The following PAPOLG variants were observed in gnomAD, a reference collection of about 807,000 sequenced individuals.
The protein encoded by PAPOLG is PAP-gamma.
PAPOLG carries 40 observed loss-of-function variants against 99.0 expected under a neutral mutation model. The ratio of observed to expected loss-of-function variants is 0.40; its 90% CI spans 0.31 to 0.53. The LOEUF (loss-of-function observed/expected upper bound fraction) is 0.53. PAPOLG is among the 20% of genes least tolerant of loss of function. The pLI is 0.41. For synonymous variants in PAPOLG, 310 were observed against 299.3 expected (o/e 1.04, Z -0.37); for missense variants, 675 against 884.1 (o/e 0.76, Z 3.00).
At chr2:60,769,615 A>AT (rs1036743397) in intron 5 of PAPOLG, among the ~76,000 whole-genome samples, 3 of 152,212 alleles carry the variant, frequency 2.0e-5, no homozygotes, top group Non-Finnish European at 4.4e-5. Flanking sequence ...CAACTGTATT[A>AT]ATTAAATTTT....
At chr2:60,765,637 TTAAA>T (rs1670655496) in intron 3 of PAPOLG, among the ~76,000 whole-genome samples, 1 of 152,184 alleles carries the variant, frequency 6.6e-6, no homozygotes, top group Non-Finnish European at 1.5e-5. Flanking sequence ...TATTTAAACT[TTAAA>T]TAGTGTAGAA....
intron 7 of PAPOLG, among the ~76,000 whole-genome samples, chr2:60,772,446 CAAA>C (rs35297734): frequency 1.5e-4 from 13 of 84,092 alleles, no homozygotes; most frequent in Non-Finnish European, 1.4e-4. Flanking sequence ...GACCCTGTCT[CAAA>C]AAAAAAAAAA....
rs1671742644 is a variant in PAPOLG at position 60,797,342 on chromosome 2, TCTCA to T, written c.*185_*188del. ...TTGACCTGTAGATGCTGTAGCATTC[TCTCA>T]CTGATTGCTACATACACTTCTCTGA... is the stretch of plus-strand genomic sequence containing the variant. On this transcript the variant is annotated 3_prime_UTR_variant, in exon 22 of 22. Transcript: ENST00000238714. 1.5e-6 allele frequency: 1 copy of T among 664,646 alleles called. No homozygotes were observed. The highest frequency in any genetic ancestry group is 1.9e-5 in the South Asian group (1 of 52,584). The allele number at this position is 664,646 out of a possible 1,614,324, so 41.2% of individuals were successfully genotyped here. A position where few individuals can be genotyped will look rare whatever the true frequency, so the allele number is the denominator to read the frequency against.
At chr2:60,793,931 A>G (rs1394781638) in intron 18 of PAPOLG, 40 bp from the exon 19 acceptor site, 2 of 1,577,460 alleles carry the variant, frequency 1.3e-6, no homozygotes, top group Non-Finnish European at 8.7e-7. Flanking sequence ...AAAAAATTAC[A>G]TAAATGTTTA....
intron 17 of PAPOLG, 30 bp downstream of exon 17, chr2:60,792,319 G>A (rs758621121): frequency 4.5e-6 from 7 of 1,553,044 alleles, no homozygotes; most frequent in Non-Finnish European, 6.1e-6. Flanking sequence ...GTGTCCTTTT[G>A]GTTTTCTGTT....
chr2:60,771,543 G>A lies in PAPOLG; in HGVS notation c.517G>A (p.Ala173Thr). 2 of 1,598,036 alleles carry A rather than the reference G, an allele frequency of 1.3e-6. No individual in the cohort carries two copies. Among genetic ancestry groups the A allele is most frequent in the East Asian group, 2.3e-5 (1 of 44,248 alleles). The part of the protein sequence containing the change: ...IEIDLVFARL[A>T]IQTISDNLDL... ...GATTGATCTAGTCTTTGCAAGACTG[G>A]CAATACAAACCATATCAGATAATTT... Residue 173 changes from alanine to threonine, a missense_variant, in exon 7 of 22, where the codon GCA becomes ACA. Around this residue, in one of 3 missense-constraint regions of PAPOLG, gnomAD observed 113 missense variants for 231.5 expected, o/e 0.49. Coordinates refer to ENST00000238714, the MANE Select transcript of PAPOLG (RefSeq NM_022894.4).
chr2:60,760,617 GTCTA>G (rs1314728222), intron 2 of PAPOLG, among the ~76,000 whole-genome samples: 1 of 152,194 alleles, frequency 6.6e-6, no homozygotes, highest in Non-Finnish European at 1.5e-5. Context: ...GGAGCCATGT[GTCTA>G]TCTGAGGGAA....
chr2:60,772,288 T>C (rs1670875805), intron 7 of PAPOLG, among the ~76,000 whole-genome samples: 2 of 151,908 alleles, frequency 1.3e-5, no homozygotes, highest in Non-Finnish European at 2.9e-5. Context: ...CTACCAAAAA[T>C]AAAAAACATT....
At chr2:60,777,105 G>C (rs1671043585) in intron 8 of PAPOLG, among the ~76,000 whole-genome samples, 1 of 152,162 alleles carries the variant, frequency 6.6e-6, no homozygotes, top group East Asian at 1.9e-4. Flanking sequence ...CTCTGGATTA[G>C]ACTTTGGCCT....
rs768495877 is a variant in PAPOLG, at chr2:60,798,025, C to A, written c.*865C>A. The A allele has an allele frequency of 6.5e-6, 1 of 152,776 alleles. No homozygotes were observed. The highest frequency in any genetic ancestry group is 1.5e-5 in the Non-Finnish European group (1 of 68,044). The allele number at this position is 152,776 out of a possible 1,614,324, so 9.5% of individuals were successfully genotyped here. A position where few individuals can be genotyped will look rare whatever the true frequency, so the allele number is the denominator to read the frequency against. Reference sequence around the variant, plus strand: ...TTTACTGAGGAGCAACTCATTCCAGCATCAACAATAAGATAACCTTTAAGT... The same window carrying A: ...TTTACTGAGGAGCAACTCATTCCAGAATCAACAATAAGATAACCTTTAAGT... On this transcript the variant is annotated 3_prime_UTR_variant, in exon 22 of 22. Coordinates refer to ENST00000238714, the MANE Select transcript of PAPOLG (RefSeq NM_022894.4).
intron 19 of PAPOLG, 58 bp from the exon 20 acceptor site, chr2:60,794,652 A>G: frequency 2.8e-6 from 4 of 1,441,428 alleles, no homozygotes; most frequent in African/African-American, 1.4e-5. Context: ...GTTTATATAG[A>G]TTTATATGGG....
chr2:60,795,040 C>T lies in PAPOLG; in HGVS notation c.2112+20C>T, dbSNP rs767923082. The T allele has an allele frequency of 5.7e-6, 9 of 1,575,694 alleles. No individual in the cohort carries two copies. Among genetic ancestry groups the T allele is most frequent in the African/African-American group, 4.1e-5 (3 of 74,006 alleles). ...AAAAAGGTAACAAGATAGTCTTGTT[C>T]ATAGGTACAGTACATAGGTAAAAAC... On this transcript the variant is annotated intron_variant, in intron 21 of 21. Coordinates refer to ENST00000238714, the MANE Select transcript of PAPOLG (RefSeq NM_022894.4).
chr2:60,769,763 T>A (rs1250202863), intron 5 of PAPOLG, among the ~76,000 whole-genome samples: 5 of 152,192 alleles, frequency 3.3e-5, no homozygotes, highest in Admixed American at 2.0e-4. Flanking sequence ...TTTGTTTTTT[T>A]AATTTTACTT....
In PAPOLG at chr2:60,787,006, T is replaced by G; in HGVS notation, c.1226T>G (p.Phe409Cys). The change falls in exon 14 of 22, where the codon TTT becomes TGT. Residue 409 changes from phenylalanine to cysteine, a missense_variant. Transcript: ENST00000238714. The stretch of plus-strand genomic sequence containing the variant: ...GTTGGAAACTTGGAACGGAATGAAT[T>G]TATTACTCTTGCCCATGTGAATCCC... ...VLVGNLERNE[F>C]ITLAHVNPQS... is the part of the protein sequence containing the mutation. 6.2e-7 allele frequency: 1 copy of G among 1,612,882 alleles called. No homozygotes were observed. The highest frequency in any genetic ancestry group is 2.2e-5 in the East Asian group (1 of 44,842).
At position 60,765,421 on chromosome 2, in the gene PAPOLG, A is replaced by G. The variant is rs538904907; in HGVS notation, c.247-3049A>G. Reference sequence around the variant, plus strand: ...TTTTTTTTTTGATTTTAAAAAAAAAAGTGACGAGGTCTCACTGTGTTGCCA... The same window carrying G: ...TTTTTTTTTTGATTTTAAAAAAAAAGGTGACGAGGTCTCACTGTGTTGCCA... On this transcript the variant is annotated intron_variant, in intron 3 of 21. Coordinates refer to ENST00000238714, the MANE Select transcript of PAPOLG (RefSeq NM_022894.4). Among the ~76,000 whole-genome samples the G allele has an allele frequency of 4.0e-5, 6 of 150,474 alleles. No individual in the cohort carries two copies. In the South Asian group the frequency reaches 1.3e-3, roughly 32 times the overall value.
At chr2:60,784,879 G>T (rs776386162) in intron 13 of PAPOLG, among the ~76,000 whole-genome samples, 1 of 152,090 alleles carries the variant, frequency 6.6e-6, no homozygotes, top group Non-Finnish European at 1.5e-5. Flanking sequence ...TTGCCAACCC[G>T]TCATTTAGAT....
At chr2:60,757,249 G>A (rs534570713) in intron 1 of PAPOLG, among the ~76,000 whole-genome samples, 2 of 152,318 alleles carry the variant, frequency 1.3e-5, no homozygotes, top group Admixed American at 6.5e-5. Flanking sequence ...CACACACGGT[G>A]TGTATATACG....
chr2:60,796,598 C>T (rs1261141921), intron 21 of PAPOLG, among the ~76,000 whole-genome samples: 2 of 152,124 alleles, frequency 1.3e-5, no homozygotes, highest in African/African-American at 4.8e-5. Flanking sequence ...TGGTCTTCTT[C>T]ATGAATGTAT....
At chr2:60,773,306 AT>A (rs1670912407) in intron 7 of PAPOLG, among the ~76,000 whole-genome samples, 1 of 152,142 alleles carries the variant, frequency 6.6e-6, no homozygotes, top group Non-Finnish European at 1.5e-5. Context: ...ATTTGCAGTC[AT>A]TTCCCCTTCC....
Sources: gnomAD v4.1 joint callset for allele counts (sites outside exome capture counted in the v4.1 genomes callset) on GRCh38, gnomAD v4.1.1 for gene constraint, gnomAD v4.1.1 regional missense constraint, MANE v1.5 for transcripts, NCBI Gene and HGNC (gene_info 2026-07-23, HGNC 2026-07-21) for gene names.